The following PLCL2 variants were observed in gnomAD, a reference collection of about 807,000 sequenced individuals.
The protein encoded by PLCL2 is phospholipase C like 2, also known as inactive phospholipase C-like protein 2.
PLCL2 carries 4 observed loss-of-function variants against 79.6 expected under a neutral mutation model. The observed-to-expected ratio is 0.05, with a 90% CI of 0.02 to 0.11. PLCL2 has a LOEUF of 0.11. PLCL2 is among the 10% of genes least tolerant of loss of function. PLCL2 has a pLI of 1.00. For synonymous variants in PLCL2, 484 were observed against 457.7 expected (o/e 1.06, Z -0.73); for missense variants, 895 against 1,291.0 (o/e 0.69, Z 4.70).
chr3:16,904,678 C>T (rs1696710691), intron 1 of PLCL2, among the ~76,000 whole-genome samples: 1 of 152,156 alleles, frequency 6.6e-6, no homozygotes, highest in African/African-American at 2.4e-5. Context: ...ACCCAAATTT[C>T]ATCTTGAATT....
In PLCL2 at chr3:17,010,525, G is replaced by T; in HGVS notation, c.1179G>T (p.Glu393Asp). 1 of 1,614,022 alleles carries T rather than the reference G, an allele frequency of 6.2e-7. No individual in the cohort carries two copies. ...TTCACAAATATGAACCATCCAAAGA[G>T]GGTCAGGAAAAGGGCTGGCTCTCCA... is the stretch of plus-strand genomic sequence containing the variant. Reference protein sequence around the residue: ...EIIHKYEPSKEGQEKGWLSID... With the variant: ...EIIHKYEPSKDGQEKGWLSID... Residue 393 changes from glutamate to aspartate, a missense_variant, in exon 2 of 6, where the codon GAG (glutamate) becomes GAT (aspartate). Glu to Asp is a conservative substitution (Grantham distance 45, BLOSUM62 2). Transcript: ENST00000615277. This position sits in a 1 kb window ranked among gnomAD's most constrained non-coding sequence, Gnocchi z 5.8.
At chr3:16,910,152 T>C (rs116810576) in intron 1 of PLCL2, among the ~76,000 whole-genome samples, 1,682 of 152,334 alleles carry the variant, frequency 0.011, 33 homozygotes, top group African/African-American at 0.039. Context: ...CTTTCATATT[T>C]TCTTGTTGCA....
chr3:16,943,881 C>G (rs1379362573), intron 1 of PLCL2, among the ~76,000 whole-genome samples: 2 of 152,156 alleles, frequency 1.3e-5, no homozygotes, highest in African/African-American at 4.8e-5. Flanking sequence ...ATAACTTAAT[C>G]ACCCTTTGGA....
rs1047175160 is a variant in PLCL2 at position 17,009,133 on chromosome 3, C to T, written c.328-541C>T. On this transcript the variant is annotated intron_variant, in intron 1 of 5. Transcript: ENST00000615277. This position sits in a 1 kb window ranked among gnomAD's most constrained non-coding sequence, Gnocchi z 4.0. Reference sequence around the variant, plus strand: ...CCGAGTAGGTGGGATTACAGGCACCCGCCACCATGCCCGGCTAATTTTTGT... The same window carrying T: ...CCGAGTAGGTGGGATTACAGGCACCTGCCACCATGCCCGGCTAATTTTTGT... Among the ~76,000 whole-genome samples the T allele has an allele frequency of 3.9e-5, 6 of 151,914 alleles. No homozygotes were observed. The highest frequency in any genetic ancestry group is 5.9e-5 in the Non-Finnish European group (4 of 67,976).
At chr3:16,970,519 C>A (rs1290145928) in intron 1 of PLCL2, among the ~76,000 whole-genome samples, 5 of 148,438 alleles carry the variant, frequency 3.4e-5, no homozygotes, top group Non-Finnish European at 3.0e-5. Flanking sequence ...CCGCAATAAA[C>A]ATACGTGTGC....
At chr3:16,996,041 A>G (rs1163946121) in intron 1 of PLCL2, among the ~76,000 whole-genome samples, 1 of 152,188 alleles carries the variant, frequency 6.6e-6, no homozygotes, top group African/African-American at 2.4e-5. Flanking sequence ...AGAGAATAAT[A>G]TGGGCAGGGA....
chr3:17,063,400 T>C (rs75339351), intron 4 of PLCL2, among the ~76,000 whole-genome samples: 1 of 147,592 alleles, frequency 6.8e-6, no homozygotes, highest in Non-Finnish European at 1.5e-5. Context: ...CTACTGAACA[T>C]GGACTTCGCA....
chr3:16,993,095 C>G (rs1178100742), intron 1 of PLCL2, among the ~76,000 whole-genome samples: 1 of 152,130 alleles, frequency 6.6e-6, no homozygotes, highest in Non-Finnish European at 1.5e-5. Flanking sequence ...TGAGAATACC[C>G]CTGTAGCTGA....
rs1272936432 is a variant in PLCL2 at position 16,902,881 on chromosome 3, T to TGTGC, written c.327+17516_327+17517insTGCG. On this transcript the variant is annotated intron_variant, in intron 1 of 5. Coordinates refer to ENST00000615277, the MANE Select transcript of PLCL2 (RefSeq NM_001144382.2). ...GTGTGTGTGTGTGTGTGTGTGTGTG[T>TGTGC]GNGCGCATGTGCATGCTTTGGAAGG... Among the ~76,000 whole-genome samples the TGTGC allele has an allele frequency of 1.6e-3, 220 of 133,912 alleles. 1 individual carries two copies. The highest frequency in any genetic ancestry group is 5.6e-3 in the African/African-American group (205 of 36,316). 87.9% of individuals were successfully genotyped at this position (133,912 alleles called of 152,430 possible).
chr3:16,953,491 G>C (rs1182668616), intron 1 of PLCL2, among the ~76,000 whole-genome samples: 3 of 152,100 alleles, frequency 2.0e-5, no homozygotes, highest in Non-Finnish European at 4.4e-5. Flanking sequence ...AAAATAGATA[G>C]GATCACTGCC....
At chr3:16,972,205 A>G (rs1316910718) in intron 1 of PLCL2, among the ~76,000 whole-genome samples, 9 of 152,156 alleles carry the variant, frequency 5.9e-5, no homozygotes, top group Non-Finnish European at 8.8e-5. Flanking sequence ...GAAGGAAATA[A>G]AGGGTATTCA....
intron 1 of PLCL2, chr3:16,933,292 G>A (rs1391480361): frequency 6.5e-6 from 1 of 154,778 alleles, no homozygotes; most frequent in Non-Finnish European, 1.5e-5. Flanking sequence ...ACTGGAAATT[G>A]TAAGGTGTTT....
At chr3:17,031,795 T>C (rs2064585527) in intron 3 of PLCL2, among the ~76,000 whole-genome samples, 1 of 152,206 alleles carries the variant, frequency 6.6e-6, no homozygotes, top group South Asian at 2.1e-4. Flanking sequence ...GCTCTTCATA[T>C]AGAAAAGCAT....
At position 17,010,318 on chromosome 3, in the gene PLCL2, C is replaced by T. The variant is rs770246670; in HGVS notation, c.972C>T (p.Thr324=). 21 of 1,613,832 alleles carry T rather than the reference C, an allele frequency of 1.3e-5. 1 individual carries two copies. Among genetic ancestry groups the T allele is most frequent in the Middle Eastern group, 1.6e-4 (1 of 6,082 alleles). Residue 324 remains threonine (T), a synonymous_variant, in exon 2 of 6, where the codon ACC becomes ACT. Transcript: ENST00000615277. This position sits in a 1 kb window ranked among gnomAD's most constrained non-coding sequence, Gnocchi z 5.8. ...ELHKSKDKAG[T]EVTKEEFIEV... ...ATAAATCAAAGGACAAAGCTGGTAC[C>T]GAGGTCACAAAGGAAGAATTTATTG...
intron 1 of PLCL2, among the ~76,000 whole-genome samples, chr3:16,959,099 C>T (rs2063732158): frequency 6.6e-6 from 1 of 152,186 alleles, no homozygotes; most frequent in Non-Finnish European, 1.5e-5. Flanking sequence ...GACAGTGTCT[C>T]CCTTTTCCAC....
chr3:16,891,896 C>T (rs1365498472), intron 1 of PLCL2, among the ~76,000 whole-genome samples: 2 of 152,170 alleles, frequency 1.3e-5, no homozygotes, highest in Non-Finnish European at 2.9e-5. Context: ...TAAGGTTTTC[C>T]TCAGTTAACC....
rs764302528 is a variant in PLCL2, at chr3:17,010,541, T to C, written c.1195T>C (p.Trp399Arg). Residue 399 changes from tryptophan to arginine, a missense_variant, in exon 2 of 6, where the codon TGG becomes CGG. This residue lies in a region of PLCL2 where 242 missense variants were observed against 399.5 expected (regional missense o/e 0.61). Coordinates refer to ENST00000615277, the MANE Select transcript of PLCL2 (RefSeq NM_001144382.2). This position sits in a 1 kb window ranked among gnomAD's most constrained non-coding sequence, Gnocchi z 5.8. Reference sequence around the variant, plus strand: ...ATCCAAAGAGGGTCAGGAAAAGGGCTGGCTCTCCATAGACGGGTTCACTAA... The same window carrying C: ...ATCCAAAGAGGGTCAGGAAAAGGGCCGGCTCTCCATAGACGGGTTCACTAA... ...EPSKEGQEKG[W>R]LSIDGFTNYL... The C allele has an allele frequency of 3.1e-6, 5 of 1,614,030 alleles. No homozygotes were observed. In the African/African-American group the frequency reaches 4.0e-5, roughly 13 times the overall value.
At chr3:16,965,314 A>G (rs911888991) in intron 1 of PLCL2, among the ~76,000 whole-genome samples, 3 of 152,170 alleles carry the variant, frequency 2.0e-5, no homozygotes, top group African/African-American at 7.2e-5. Context: ...CAGGTTTGTC[A>G]AAGATCAGAT....
At chr3:17,023,228 C>G (rs1345384157) in intron 3 of PLCL2, among the ~76,000 whole-genome samples, 1 of 152,214 alleles carries the variant, frequency 6.6e-6, no homozygotes, top group Non-Finnish European at 1.5e-5. Context: ...AGAGCCAGCT[C>G]CTTTCCTCCT....
Sources: allele counts gnomAD v4.1 joint callset (sites outside exome capture counted in the v4.1 genomes callset), GRCh38; gene constraint gnomAD v4.1.1; regional missense constraint gnomAD v4.1.1; non-coding constraint Gnocchi (gnomAD v3.1); transcripts MANE v1.5; gene names NCBI Gene and HGNC (gene_info 2026-07-23, HGNC 2026-07-21).